PGM2: variants seen among roughly 807,000 people sequenced by gnomAD.
The protein encoded by PGM2 is phosphoglucomutase 2, also known as phosphopentomutase.
PGM2 carries 57 observed loss-of-function variants against 74.6 expected under a neutral mutation model. The observed-to-expected ratio is 0.76, with a 90% CI of 0.62 to 0.95. The LOEUF (loss-of-function observed/expected upper bound fraction) is 0.95. PGM2 is among the 40% of genes least tolerant of loss of function. PGM2 has a pLI of 0.00. For synonymous variants in PGM2, 273 were observed against 260.7 expected (o/e 1.05, Z -0.46); for missense variants, 706 against 741.9 (o/e 0.95, Z 0.56).
intron 13 of PGM2, among the ~76,000 whole-genome samples, chr4:37,858,363 A>G (rs576169215): frequency 2.6e-5 from 4 of 151,358 alleles, no homozygotes; most frequent in Non-Finnish European, 5.9e-5. Context: ...TTTTTAAGAC[A>G]TCTCTCTCTG....
chr4:37,844,240 CGTTTT>C, intron 6 of PGM2, 119 bp from the exon 7 acceptor site: 1 of 599,330 alleles, frequency 1.7e-6, no homozygotes, highest in Non-Finnish European at 3.0e-6. Context: ...AGAATGGATA[CGTTTT>C]GTTTTTCTGA....
intron 3 of PGM2, among the ~76,000 whole-genome samples, 168 bp from the exon 4 acceptor site, chr4:37,837,361 C>T (rs1725595426): frequency 6.6e-6 from 1 of 152,202 alleles, no homozygotes; most frequent in African/African-American, 2.4e-5. Context: ...CCTGAGAGTC[C>T]TCCAGCTTTA....
intron 13 of PGM2, among the ~76,000 whole-genome samples, chr4:37,858,728 C>G (rs1426061203): frequency 6.6e-6 from 1 of 152,078 alleles, no homozygotes; most frequent in Non-Finnish European, 1.5e-5. Flanking sequence ...TCATAAATTT[C>G]AATTATTCAT....
In PGM2 at chr4:37,830,771, G is replaced by A. The variant is rs770133900; in HGVS notation, c.249+640G>A. Among the ~76,000 whole-genome samples, 45 of 152,114 alleles carry A rather than the reference G, an allele frequency of 3.0e-4. 1 individual carries two copies. The highest frequency in any genetic ancestry group is 8.8e-5 in the Non-Finnish European group (6 of 68,026). On this transcript the variant is annotated intron_variant, in intron 2 of 13. Transcript: ENST00000381967. ...ATGATGAATGTCACTTTAATTGTGG[G>A]AAAAGAAAGGCTAGAAAAAATTGCC...
chr4:37,858,252 G>T (rs930821186), intron 13 of PGM2, among the ~76,000 whole-genome samples: 2 of 152,036 alleles, frequency 1.3e-5, no homozygotes, highest in South Asian at 2.1e-4. Context: ...GACATTAAGC[G>T]CTATGTCAGT....
chr4:37,861,434 G>T, intron 13 of PGM2, 76 bp from the exon 14 acceptor site: 1 of 882,974 alleles, frequency 1.1e-6, no homozygotes, highest in Non-Finnish European at 1.9e-6. Flanking sequence ...ATTGTCACTT[G>T]GTCAATGGGG....
At chr4:37,833,576 G>A (rs960721537) in intron 2 of PGM2, among the ~76,000 whole-genome samples, 1 of 151,912 alleles carries the variant, frequency 6.6e-6, no homozygotes, top group Non-Finnish European at 1.5e-5. Context: ...AAAGAGTTAT[G>A]TATATTTTAA....
At position 37,846,966 on chromosome 4, in the gene PGM2, G is replaced by A; in HGVS notation, c.1043G>A (p.Gly348Glu). The change falls in exon 9 of 14, where the codon GGG becomes GAG. Residue 348 changes from glycine (G) to glutamate (E), a missense_variant. Coordinates refer to ENST00000381967, the MANE Select transcript of PGM2 (RefSeq NM_018290.4). ...AGGGTGTTTTCAGGCAATGAGTTGG[G>A]GGCCCTCCTGGGCTGGTGGCTTTTT... ...EWRVFSGNELGALLGWWLFTS... is the reference protein window; with the variant it reads ...EWRVFSGNELEALLGWWLFTS... 2 of 1,613,610 alleles carry A rather than the reference G, an allele frequency of 1.2e-6. No individual in the cohort carries two copies. The highest frequency in any genetic ancestry group is 2.7e-5 in the African/African-American group (2 of 74,974).
chr4:37,855,472 C>T, intron 12 of PGM2, 136 bp from the exon 13 acceptor site: 1 of 708,524 alleles, frequency 1.4e-6, no homozygotes, highest in South Asian at 2.0e-5. Flanking sequence ...AGTACATTTT[C>T]TGATTTCCTC....
chr4:37,837,514 A>T lies in PGM2; in HGVS notation c.357-15A>T. 1 of 1,537,750 alleles carries T rather than the reference A, an allele frequency of 6.5e-7. No homozygotes were observed. Among genetic ancestry groups the T allele is most frequent in the Non-Finnish European group, 9.0e-7 (1 of 1,110,606 alleles). On this transcript the variant is annotated splice_polypyrimidine_tract_variant and intron_variant, in intron 3 of 13. Coordinates refer to ENST00000381967, the MANE Select transcript of PGM2 (RefSeq NM_018290.4). ...CTCAACTCTCCTTTTCTTCCCTGTCACTCTGCATTCTCAGGTTTGCCCGAC... is the reference window on the plus strand; with the variant it reads ...CTCAACTCTCCTTTTCTTCCCTGTCTCTCTGCATTCTCAGGTTTGCCCGAC...
At position 37,845,729 on chromosome 4, in the gene PGM2, A is replaced by G. The variant is rs1373465646; in HGVS notation, c.1006A>G (p.Ser336Gly). Reference protein sequence around the residue: ...DRLAVAEKQDSGEWRVFSGNE... With the variant: ...DRLAVAEKQDGGEWRVFSGNE... ...ACTTGCTGTGGCAGAAAAGCAAGAC[A>G]GGTAAAATTAATTGTGATTACCTAT... The change falls in exon 8 of 14, where the codon AGT (serine) becomes GGT (glycine). Residue 336 changes from serine (S) to glycine (G), a missense_variant and splice_region_variant. Transcript: ENST00000381967. 6 of 1,587,414 alleles carry G rather than the reference A, an allele frequency of 3.8e-6. No individual in the cohort carries two copies. The highest frequency in any genetic ancestry group is 1.7e-5 in the Admixed American group (1 of 59,962).
chr4:37,849,485 T>C (rs1725976476), intron 11 of PGM2, among the ~76,000 whole-genome samples: 1 of 145,220 alleles, frequency 6.9e-6, no homozygotes, highest in African/African-American at 2.6e-5. Flanking sequence ...GATCTCGGCT[T>C]ACTGCAACCT....
intron 6 of PGM2, among the ~76,000 whole-genome samples, chr4:37,840,628 AC>A (rs1232757416): frequency 2.0e-5 from 3 of 152,026 alleles, no homozygotes; most frequent in African/African-American, 7.3e-5. Context: ...CAAGTGATCC[AC>A]CCACCTTGGC....
In PGM2 at chr4:37,844,541, G is replaced by C; in HGVS notation, c.897G>C (p.Gly299=). Residue 299 remains glycine (G), a synonymous_variant, in exon 7 of 14, where the codon GGG becomes GGC. Transcript: ENST00000381967. ...TGAAATACCCGAATCCCGAAGAGGGGAAAGGTGTCTTGGTAACCTAATTTT... is the reference window on the plus strand; with the variant it reads ...TGAAATACCCGAATCCCGAAGAGGGCAAAGGTGTCTTGGTAACCTAATTTT... ...PTVKYPNPEE[G]KGVLTLSFAL... 1 of 1,606,030 alleles carries C rather than the reference G, an allele frequency of 6.2e-7. No individual in the cohort carries two copies. The highest frequency in any genetic ancestry group is 1.3e-5 in the African/African-American group (1 of 74,668).
intron 3 of PGM2, among the ~76,000 whole-genome samples, 164 bp downstream of exon 3, chr4:37,834,888 C>T (rs1360445995): frequency 6.6e-6 from 1 of 152,118 alleles, no homozygotes; most frequent in East Asian, 1.9e-4. Context: ...TCTGGTTTTA[C>T]ATTAGGTTAA....
chr4:37,830,776 G>C (rs532093151), intron 2 of PGM2, among the ~76,000 whole-genome samples: 22 of 152,298 alleles, frequency 1.4e-4, no homozygotes, highest in Admixed American at 2.6e-4. Context: ...TGTGGGAAAA[G>C]AAAGGCTAGA....
intron 12 of PGM2, among the ~76,000 whole-genome samples, chr4:37,852,133 CTTTT>C (rs778968323): frequency 1.3e-4 from 6 of 47,258 alleles, no homozygotes; most frequent in African/African-American, 4.9e-4. Context: ...ATGCCCAGCT[CTTTT>C]TTTTTTTTTT....
chr4:37,861,536 T>G lies in PGM2; in HGVS notation c.1763T>G (p.Leu588Arg). The change falls in exon 14 of 14, where the codon CTG becomes CGG. Residue 588 changes from leucine (L) to arginine (R), a missense_variant. Physicochemically the swap from Leu to Arg is moderately radical, Grantham distance 102. This residue lies in a region of PGM2 where 359 missense variants were observed against 371.1 expected (regional missense o/e 0.97). Transcript: ENST00000381967. ...NSDPEQLKKE[L>R]NELVSAIEEH... ...GATCCTGAGCAGCTGAAGAAGGAAC[T>G]GAATGAACTGGTCAGTGCTATTGAA... The G allele has an allele frequency of 1.2e-6, 2 of 1,612,660 alleles. No homozygotes were observed. The highest frequency in any genetic ancestry group is 1.7e-6 in the Non-Finnish European group (2 of 1,178,854).
At position 37,861,550 on chromosome 4, in the gene PGM2, A is replaced by G. The variant is rs774862455; in HGVS notation, c.1777A>G (p.Ser593Gly). 4 of 1,613,408 alleles carry G rather than the reference A, an allele frequency of 2.5e-6. No individual in the cohort carries two copies. The highest frequency in any genetic ancestry group is 1.1e-5 in the South Asian group (1 of 91,066). The change falls in exon 14 of 14, where the codon AGT becomes GGT. Residue 593 changes from serine (S) to glycine (G), a missense_variant. Coordinates refer to ENST00000381967, the MANE Select transcript of PGM2 (RefSeq NM_018290.4). Reference protein sequence around the residue: ...QLKKELNELVSAIEEHFFQPQ... With the variant: ...QLKKELNELVGAIEEHFFQPQ... ...GAAGAAGGAACTGAATGAACTGGTC[A>G]GTGCTATTGAAGAACATTTTTTCCA... is the stretch of plus-strand genomic sequence containing the variant.
Sources: gnomAD v4.1 joint callset for allele counts (sites outside exome capture counted in the v4.1 genomes callset) on GRCh38, gnomAD v4.1.1 for gene constraint, gnomAD v4.1.1 regional missense constraint, MANE v1.5 for transcripts, NCBI Gene and HGNC (gene_info 2026-07-23, HGNC 2026-07-21) for gene names.